CDC42BPG: variants seen among roughly 807,000 people sequenced by gnomAD.
The protein encoded by CDC42BPG is CDC42 binding protein kinase gamma, also known as serine/threonine-protein kinase MRCK gamma.
Under a neutral mutation model 192.2 loss-of-function variants are expected in CDC42BPG, and 157 were observed. The ratio of observed to expected loss-of-function variants is 0.82; its 90% CI spans 0.72 to 0.93. The LOEUF (loss-of-function observed/expected upper bound fraction) is 0.93, where lower values mean the gene tolerates loss of function less well. Ranked by LOEUF, CDC42BPG falls within the 40% of genes least tolerant of loss-of-function variation. The pLI is 0.00. For synonymous variants in CDC42BPG, 981 were observed against 918.5 expected (o/e 1.07, Z -1.23); for missense variants, 1,992 against 2,122.1 (o/e 0.94, Z 1.20).
intron 1 of CDC42BPG, 40 bp downstream of exon 1, chr11:64,844,370 C>A (rs776634608): frequency 2.3e-5 from 31 of 1,361,166 alleles, no homozygotes; most frequent in Non-Finnish European, 2.6e-5. Context: ...GGCGCGATAT[C>A]CCTAGGCCCG....
intron 9 of CDC42BPG, 73 bp downstream of exon 9, chr11:64,838,010 G>T (rs949249775): frequency 5.4e-6 from 7 of 1,304,678 alleles, no homozygotes; most frequent in Non-Finnish European, 7.6e-6. Flanking sequence ...GGGCCCCAGT[G>T]GGCTACGCGC....
At chr11:64,836,345 C>T (rs780423591) in intron 12 of CDC42BPG, 49 bp from the exon 13 acceptor site, 1 of 1,606,824 alleles carries the variant, frequency 6.2e-7, no homozygotes, top group Non-Finnish European at 8.5e-7. Context: ...CAGAGTCAGG[C>T]ACGAACCGTC....
Position 64,838,866 on chromosome 11 carries a change from G to A in CDC42BPG, c.913C>T (p.Pro305Ser). 1.9e-6 allele frequency: 3 copies of A among 1,610,568 alleles called. No homozygotes were observed. Among genetic ancestry groups the A allele is most frequent in the Non-Finnish European group, 2.5e-6 (3 of 1,179,852 alleles). The change falls in exon 8 of 37, where the codon CCA becomes TCA. Residue 305 changes from proline to serine, a missense_variant. Pro to Ser is a moderately conservative substitution (Grantham distance 74). Transcript: ENST00000342711. ...CGGATCAGGTCTTGGGCGCTGGCTG[G>A]CACGTCAGGCACGTCCGGGGGGAAC... The part of the protein sequence containing the change: ...LQFPPDVPDV[P>S]ASAQDLIRQL...
intron 14 of CDC42BPG, 70 bp from the exon 15 acceptor site, chr11:64,835,691 T>C: frequency 6.2e-7 from 1 of 1,602,278 alleles, no homozygotes; most frequent in Non-Finnish European, 8.5e-7. Flanking sequence ...GACACAGGCC[T>C]GGCCCTGAGG....
rs1942702239 is a variant in CDC42BPG at position 64,831,727 on chromosome 11, G to A, written c.3088-6C>T. ...GCCAGCTGGGAGGTTGTCACCTGTG[G>A]GCAAGGACCCCAGCTGGAGGGCCGT... On this transcript the variant is annotated splice_region_variant and splice_polypyrimidine_tract_variant and intron_variant, in intron 27 of 36. Transcript: ENST00000342711. 6.3e-7 allele frequency: 1 copy of A among 1,584,478 alleles called. No individual in the cohort carries two copies. The highest frequency in any genetic ancestry group is 2.3e-5 in the East Asian group (1 of 43,736).
chr11:64,836,712 G>GT, intron 11 of CDC42BPG, 27 bp downstream of exon 11: 9 of 797,312 alleles, frequency 1.1e-5, no homozygotes, highest in Non-Finnish European at 1.4e-5. Flanking sequence ...GCCCTGGGGG[G>GT]GGGGGGGGGG....
intron 32 of CDC42BPG, 46 bp downstream of exon 32, chr11:64,827,481 G>T (rs555451938): frequency 1.2e-6 from 2 of 1,604,522 alleles, no homozygotes; most frequent in Non-Finnish European, 1.7e-6. Flanking sequence ...ACAGCCACAC[G>T]TGCGCACTGG....
chr11:64,824,513 CG>C lies in CDC42BPG; in HGVS notation c.4615del (p.Arg1539GlufsTer18), dbSNP rs1465297234. ...CAATTCAGGGGATAGGGGGAGGCTTCGGGGCCGTTCTGAGACCTGCAGGAGA... is the reference window on the plus strand; with the variant it reads ...CAATTCAGGGGATAGGGGGAGGCTTCGGGCCGTTCTGAGACCTGCAGGAGA... ...TSLMQVSERPRSLPLSPELES... is the reference protein window; with the variant it reads ...TSLMQVSERPXSLPLSPELES... On this transcript the variant is annotated frameshift_variant, in exon 37 of 37. Transcript: ENST00000342711. LOFTEE classifies it high-confidence loss of function. 2 of 1,608,358 alleles carry C rather than the reference CG, an allele frequency of 1.2e-6. No individual in the cohort carries two copies. The highest frequency in any genetic ancestry group is 2.7e-5 in the African/African-American group (2 of 74,794).
chr11:64,833,118 G>T, intron 24 of CDC42BPG, 113 bp downstream of exon 24: 1 of 1,271,338 alleles, frequency 7.9e-7, no homozygotes, highest in Non-Finnish European at 1.1e-6. Context: ...AGCTGAGCAG[G>T]AGGAAATTTG....
intron 36 of CDC42BPG, 77 bp downstream of exon 36, chr11:64,826,393 A>C (rs1042663532): frequency 2.0e-6 from 2 of 982,066 alleles, no homozygotes; most frequent in Non-Finnish European, 3.2e-6. Flanking sequence ...AGCCTAGGTC[A>C]CTGTGCAAGG....
In CDC42BPG at chr11:64,824,247, T is replaced by G. The variant is rs1267571279; in HGVS notation, c.*226A>C. 1.6e-6 allele frequency: 1 copy of G among 611,726 alleles called. No individual in the cohort carries two copies. Among genetic ancestry groups the G allele is most frequent in the South Asian group, 1.9e-5 (1 of 51,788 alleles). The allele number at this position is 611,726 out of a possible 1,614,324, so 37.9% of individuals were successfully genotyped here. A position where few individuals can be genotyped will look rare whatever the true frequency, so the allele number is the denominator to read the frequency against. On this transcript the variant is annotated 3_prime_UTR_variant, in exon 37 of 37. Transcript: ENST00000342711. The stretch of plus-strand genomic sequence containing the variant: ...AGGGGCCATTCTATTCCCAATGGCT[T>G]AGAAAGGCTGGGGCTGGGAACAGAG...
Position 64,835,487 on chromosome 11 carries a change from C to A in CDC42BPG, c.1880+13G>T. 4 of 1,605,644 alleles carry A rather than the reference C, an allele frequency of 2.5e-6. No homozygotes were observed. Among genetic ancestry groups the A allele is most frequent in the Non-Finnish European group, 3.4e-6 (4 of 1,177,510 alleles). ...AGGCCCGGCCCCTCCCTGCCACCAG[C>A]TGCCTGGCTCACCTGTGGCTGTGGG... On this transcript the variant is annotated intron_variant, in intron 15 of 36. Coordinates refer to ENST00000342711, the MANE Select transcript of CDC42BPG (RefSeq NM_017525.3).
At position 64,842,210 on chromosome 11, in the gene CDC42BPG, C is replaced by T. The variant is rs531333983; in HGVS notation, c.161-306G>A. Among the ~76,000 whole-genome samples the T allele has an allele frequency of 4.6e-5, 7 of 152,270 alleles. No individual in the cohort carries two copies. The South Asian group carries it at 8.3e-4, about 18-fold the overall frequency. On this transcript the variant is annotated intron_variant, in intron 1 of 36. Transcript: ENST00000342711. ...GGGACTTGTAGTCCTGCCCAGTCTG[C>T]GGCCTGACTCTGCTTGGCCAGGTCA...
Position 64,833,350 on chromosome 11 carries a change from C to G in CDC42BPG, c.2626-14G>C, listed in dbSNP as rs1468859454. 7.3e-7 allele frequency: 1 copy of G among 1,364,428 alleles called. No individual in the cohort carries two copies. Among genetic ancestry groups the G allele is most frequent in the Non-Finnish European group, 1.0e-6 (1 of 998,854 alleles). 84.5% of individuals were successfully genotyped at this position (1,364,428 alleles called of 1,614,324 possible). A position where few individuals can be genotyped will look rare whatever the true frequency, so the allele number is the denominator to read the frequency against. ...GTGTGAGCCGGGCTGGGGAGGGGGACAGCCATTACCCAAGGCCTCCCAGGG... is the reference window on the plus strand; with the variant it reads ...GTGTGAGCCGGGCTGGGGAGGGGGAGAGCCATTACCCAAGGCCTCCCAGGG... On this transcript the variant is annotated splice_polypyrimidine_tract_variant and intron_variant, in intron 23 of 36. Transcript: ENST00000342711.
In CDC42BPG at chr11:64,834,350, G is replaced by A; in HGVS notation, c.2329C>T (p.Leu777=). Residue 777 remains leucine, a synonymous_variant, in exon 20 of 37, where the codon CTG becomes TTG. Transcript: ENST00000342711. ...TGGCTCTGCTTCTCGGCCTCCTGCA[G>A]ACGGCTGGGGAGAATGGCAAGGGCT... ...QEAQLQAERR[L]QEAEKQSQAL... 1 of 1,568,466 alleles carries A rather than the reference G, an allele frequency of 6.4e-7. No individual in the cohort carries two copies.
chr11:64,844,411 C>T lies in CDC42BPG; in HGVS notation c.159G>A (p.Trp53Ter). 6.8e-7 allele frequency: 1 copy of T among 1,464,166 alleles called. No individual in the cohort carries two copies. Among genetic ancestry groups the T allele is most frequent in the South Asian group, 1.3e-5 (1 of 75,342 alleles). The allele number at this position is 1,464,166 out of a possible 1,614,324, so 90.7% of individuals were successfully genotyped here. ...GCTCCGTGCCGCCCCGCCACTCACC[C>T]CAGCTCAGGAACTGCGCCACGCTGC... is the stretch of plus-strand genomic sequence containing the variant. ...RERSVAQFLS[W>*]ASPFVSKVKE... Residue 53 changes from tryptophan (W) to a stop codon, truncating the protein, a stop_gained and splice_region_variant, in exon 1 of 37, where the codon TGG (tryptophan) becomes TGA (stop). Coordinates refer to ENST00000342711, the MANE Select transcript of CDC42BPG (RefSeq NM_017525.3). LOFTEE classifies it high-confidence loss of function.
At position 64,832,953 on chromosome 11, in the gene CDC42BPG, C is replaced by T. The variant is rs534771557; in HGVS notation, c.2738G>A (p.Gly913Asp). ...GRQGLGCDACGYFCHTTCAPQ... is the reference protein window; with the variant it reads ...GRQGLGCDACDYFCHTTCAPQ... The stretch of plus-strand genomic sequence containing the variant: ...GGCACAGGTTGTGTGACAAAAGTAG[C>T]CGCAGGCTGTGGGGAAAGTGGAGAA... The change falls in exon 25 of 37, where the codon GGC (glycine) becomes GAC (aspartate). Residue 913 changes from glycine (G) to aspartate (D), a missense_variant. Gly to Asp is a moderately conservative substitution (Grantham distance 94, BLOSUM62 -1). This residue lies in a region of CDC42BPG where 1,656 missense variants were observed against 1,844.3 expected (regional missense o/e 0.90). Transcript: ENST00000342711. 4 of 1,530,724 alleles carry T rather than the reference C, an allele frequency of 2.6e-6. No homozygotes were observed. The highest frequency in any genetic ancestry group is 3.5e-6 in the Non-Finnish European group (4 of 1,137,404). 94.8% of individuals were successfully genotyped at this position (1,530,724 alleles called of 1,614,324 possible). A position where few individuals can be genotyped will look rare whatever the true frequency, so the allele number is the denominator to read the frequency against.
chr11:64,833,709 C>T (rs1942823309), intron 22 of CDC42BPG, 29 bp downstream of exon 22: 2 of 1,613,326 alleles, frequency 1.2e-6, no homozygotes, highest in South Asian at 1.1e-5. Context: ...GGGGCCCAGG[C>T]CCCCTACGAT....
intron 8 of CDC42BPG, 63 bp from the exon 9 acceptor site, chr11:64,838,225 G>A (rs1340321919): frequency 6.7e-6 from 9 of 1,347,010 alleles, no homozygotes; most frequent in Middle Eastern, 2.5e-4. Flanking sequence ...CCAAGGCCCA[G>A]GAGCCCCCTG....
Sources: gnomAD v4.1 joint callset for allele counts (sites outside exome capture counted in the v4.1 genomes callset) on GRCh38, gnomAD v4.1.1 for gene constraint, gnomAD v4.1.1 regional missense constraint, MANE v1.5 for transcripts, NCBI Gene and HGNC (gene_info 2026-07-23, HGNC 2026-07-21) for gene names.